ICAM2: variants seen among roughly 807,000 people sequenced by gnomAD.
ICAM2 encodes the protein intercellular adhesion molecule 2, also known as ICAM-2.
A neutral mutation model predicts 19.1 loss-of-function variants in ICAM2; 14 were observed. The observed-to-expected ratio is 0.73, with a 90% CI of 0.48 to 1.15. The LOEUF (loss-of-function observed/expected upper bound fraction) is 1.15, where lower values mean the gene tolerates loss of function less well. ICAM2 is among the 50% of genes most tolerant of loss of function. The pLI is 0.00. For missense variants in ICAM2, 311 were observed against 355.4 expected (o/e 0.88, Z 1.00); for synonymous variants, 153 against 152.7 (o/e 1.00, Z -0.01).
chr17:64,012,271 TGGA>T (rs1598023631), intron 1 of ICAM2, among the ~76,000 whole-genome samples: 1 of 152,160 alleles, frequency 6.6e-6, no homozygotes, highest in East Asian at 1.9e-4. Flanking sequence ...GAAACCAGCC[TGGA>T]CAACATAGTG....
At position 64,005,324 on chromosome 17, in the gene ICAM2, CG is replaced by C; in HGVS notation, c.110del (p.Ala37GlyfsTer28). 1 of 1,614,110 alleles carries C rather than the reference CG, an allele frequency of 6.2e-7. No individual in the cohort carries two copies. Among genetic ancestry groups the C allele is most frequent in the Non-Finnish European group, 8.5e-7 (1 of 1,179,996 alleles). On this transcript the variant is annotated frameshift_variant, in exon 3 of 5. Coordinates refer to ENST00000579788, the MANE Select transcript of ICAM2 (RefSeq NM_001099789.2). LOFTEE classifies it high-confidence loss of function. ...FEVHVRPKKLAVEPKGSLEVN... is the reference protein window; with the variant it reads ...FEVHVRPKKLXVEPKGSLEVN... ...CCTCGAGGGACCCTTTGGGCTCAAC[CG>C]CCAGCTTCTTTGGCCTCACGTGTAC...
chr17:64,014,401 A>G (rs1184454518), intron 1 of ICAM2, among the ~76,000 whole-genome samples: 1 of 61,052 alleles, frequency 1.6e-5, no homozygotes, highest in African/African-American at 4.7e-5. Flanking sequence ...GGAAGGAAGG[A>G]AGGAAGAGAA....
chr17:64,019,817 CAAAAAAAAAAA>C lies in ICAM2; in HGVS notation c.-45+695_-45+705del, dbSNP rs11342409. Among the ~76,000 whole-genome samples, 22 of 53,826 alleles carry C rather than the reference CAAAAAAAAAAA, an allele frequency of 4.1e-4. No individual in the cohort carries two copies. The South Asian group carries it at 0.014, about 35-fold the overall frequency. The allele number at this position is 53,826 out of a possible 152,430, so 35.3% of individuals were successfully genotyped here. A position where few individuals can be genotyped will look rare whatever the true frequency, so the allele number is the denominator to read the frequency against. On this transcript the variant is annotated intron_variant, in intron 1 of 4. Transcript: ENST00000579788. Reference sequence around the variant, plus strand: ...GGCGACAAGAATGAAAACTCTGTCTCAAAAAAAAAAAAAAAAAAAAAAAGCAGATAAGTGGT... The same window carrying C: ...GGCGACAAGAATGAAAACTCTGTCTCAAAAAAAAAAAAGCAGATAAGTGGT...
intron 1 of ICAM2, among the ~76,000 whole-genome samples, chr17:64,015,397 G>A (rs917514198): frequency 1.3e-5 from 2 of 152,094 alleles, no homozygotes; most frequent in African/African-American, 4.8e-5. Flanking sequence ...GAAATAAAAA[G>A]CCTAAATGGT....
rs569927309 is a variant in ICAM2 at position 64,006,281 on chromosome 17, A to G, written c.61+350T>C. ...GCCTGTAATCCCAGCACTTTGGGAGACCAAGGCGGGTGGATCACTTGAGTC... is the reference window on the plus strand; with the variant it reads ...GCCTGTAATCCCAGCACTTTGGGAGGCCAAGGCGGGTGGATCACTTGAGTC... On this transcript the variant is annotated intron_variant, in intron 2 of 4. Coordinates refer to ENST00000579788, the MANE Select transcript of ICAM2 (RefSeq NM_001099789.2). 14 of 211,828 alleles carry G rather than the reference A, an allele frequency of 6.6e-5. No individual in the cohort carries two copies. In the South Asian group the frequency reaches 1.4e-3, roughly 21 times the overall value. The allele number at this position is 211,828 out of a possible 1,614,324, so 13.1% of individuals were successfully genotyped here.
intron 1 of ICAM2, among the ~76,000 whole-genome samples, chr17:64,014,375 G>GAAAT (rs1911587087): frequency 1.9e-5 from 1 of 53,006 alleles, no homozygotes; most frequent in South Asian, 7.8e-4. Flanking sequence ...AAGAAAGAAA[G>GAAAT]AAAGGAAGGA....
chr17:64,002,632 TGTCCCAA>T lies in ICAM2; in HGVS notation c.*108_*114del. 1.1e-6 allele frequency: 1 copy of T among 908,292 alleles called. No homozygotes were observed. The highest frequency in any genetic ancestry group is 1.7e-6 in the Non-Finnish European group (1 of 602,698). The allele number at this position is 908,292 out of a possible 1,614,324, so 56.3% of individuals were successfully genotyped here. A position where few individuals can be genotyped will look rare whatever the true frequency, so the allele number is the denominator to read the frequency against. On this transcript the variant is annotated 3_prime_UTR_variant, in exon 5 of 5. Coordinates refer to ENST00000579788, the MANE Select transcript of ICAM2 (RefSeq NM_001099789.2). ...TTTGTATTCGGGCTAGAAAAGGCAA[TGTCCCAA>T]GTCTCTGCTGCCTGTCACAGTCCTT... is the stretch of plus-strand genomic sequence containing the variant.
At chr17:64,012,039 G>A (rs1019488396) in intron 1 of ICAM2, among the ~76,000 whole-genome samples, 2 of 152,180 alleles carry the variant, frequency 1.3e-5, no homozygotes, top group African/African-American at 4.8e-5. Flanking sequence ...TGGATGAATG[G>A]ATAAAGAAAA....
chr17:64,011,695 T>A lies in ICAM2; in HGVS notation c.-44-4960A>T, dbSNP rs541886458. Among the ~76,000 whole-genome samples, 11 of 152,134 alleles carry A rather than the reference T, an allele frequency of 7.2e-5. No homozygotes were observed. The East Asian group carries it at 2.1e-3, about 29-fold the overall frequency. Reference sequence around the variant, plus strand: ...AGGAGGATCCCTTGAACCCAGGAGTTTGAGATCAGCCTGGGCAACACAGGG... The same window carrying A: ...AGGAGGATCCCTTGAACCCAGGAGTATGAGATCAGCCTGGGCAACACAGGG... On this transcript the variant is annotated intron_variant, in intron 1 of 4. Coordinates refer to ENST00000579788, the MANE Select transcript of ICAM2 (RefSeq NM_001099789.2).
intron 1 of ICAM2, among the ~76,000 whole-genome samples, chr17:64,014,376 A>AAAGG (rs1168049231): frequency 7.6e-4 from 42 of 55,406 alleles, no homozygotes; most frequent in African/African-American, 2.6e-3. Flanking sequence ...AGAAAGAAAG[A>AAAGG]AAGGAAGGAA....
chr17:64,006,894 G>A, intron 1 of ICAM2, 159 bp from the exon 2 acceptor site: 1 of 594,928 alleles, frequency 1.7e-6, no homozygotes, highest in Non-Finnish European at 3.0e-6. Context: ...TCCAGGCAGA[G>A]GAAGCTGGGA....
chr17:64,019,553 C>T (rs1911858588), intron 1 of ICAM2, among the ~76,000 whole-genome samples: 1 of 151,936 alleles, frequency 6.6e-6, no homozygotes, highest in African/African-American at 2.4e-5. Context: ...TGGTGGCTCA[C>T]GCCTGTAATC....
At chr17:64,011,897 T>A (rs1195083370) in intron 1 of ICAM2, among the ~76,000 whole-genome samples, 1 of 152,192 alleles carries the variant, frequency 6.6e-6, no homozygotes, top group Non-Finnish European at 1.5e-5. Context: ...ACAGAGGATC[T>A]AGCAATCCCA....
At chr17:64,008,223 G>A (rs1416408413) in intron 1 of ICAM2, among the ~76,000 whole-genome samples, 1 of 152,196 alleles carries the variant, frequency 6.6e-6, no homozygotes, top group African/African-American at 2.4e-5. Context: ...AGGGCCTGGG[G>A]CCAGCAGAGA....
intron 1 of ICAM2, among the ~76,000 whole-genome samples, chr17:64,010,162 G>T (rs1209001045): frequency 1.3e-5 from 2 of 152,102 alleles, no homozygotes; most frequent in Non-Finnish European, 2.9e-5. Flanking sequence ...CTTTTTCTCT[G>T]CAGGAAACCC....
At chr17:64,003,523 C>A in intron 4 of ICAM2, 121 bp downstream of exon 4, 1 of 872,170 alleles carries the variant, frequency 1.1e-6, no homozygotes, top group Non-Finnish European at 1.8e-6. Flanking sequence ...AAGAGGGAAG[C>A]CTCAGGATGA....
intron 1 of ICAM2, among the ~76,000 whole-genome samples, chr17:64,011,371 A>G (rs1318816563): frequency 1.3e-5 from 2 of 152,180 alleles, no homozygotes; most frequent in Non-Finnish European, 2.9e-5. Flanking sequence ...CTGAGGCAGG[A>G]GAATTGCTTG....
chr17:64,015,117 G>A (rs1028907449), intron 1 of ICAM2, among the ~76,000 whole-genome samples: 67 of 152,166 alleles, frequency 4.4e-4, no homozygotes, highest in Admixed American at 3.9e-3. Flanking sequence ...AGGGGCTGTG[G>A]GAGAGGGGAA....
chr17:64,011,399 T>G (rs1598023080), intron 1 of ICAM2, among the ~76,000 whole-genome samples: 1 of 151,944 alleles, frequency 6.6e-6, no homozygotes, highest in South Asian at 2.1e-4. Context: ...GAGGCAGAGG[T>G]TGCGGTGAGC....
Sources: gnomAD v4.1 joint callset for allele counts (sites outside exome capture counted in the v4.1 genomes callset) on GRCh38, gnomAD v4.1.1 for gene constraint, MANE v1.5 for transcripts, NCBI Gene and HGNC (gene_info 2026-07-23, HGNC 2026-07-21) for gene names.